DIP2A: variants seen among roughly 807,000 people sequenced by gnomAD.
The protein encoded by DIP2A is disco-interacting protein 2 homolog A.
A neutral mutation model predicts 177.4 loss-of-function variants in DIP2A; 85 were observed. The observed-to-expected ratio is 0.48, with a 90% CI of 0.40 to 0.57. The LOEUF is 0.57. Ranked by LOEUF, DIP2A falls within the 20% of genes least tolerant of loss-of-function variation. The pLI is 0.00. For missense variants in DIP2A, 1,791 were observed against 2,100.2 expected, an observed-to-expected ratio of 0.85 and a Z score of 2.88; for synonymous variants, 886 against 881.8, an observed-to-expected ratio of 1.00 and a Z score of -0.08.
At chr21:46,546,894 G>A in intron 20 of DIP2A, 21 bp from the exon 21 acceptor site, 2 of 1,612,934 alleles carry the variant, frequency 1.2e-6, no homozygotes, top group Non-Finnish European at 1.7e-6. Flanking sequence ...GTGGAGTCTT[G>A]ACGCACACCC....
chr21:46,485,228 A>T (rs937673266), intron 2 of DIP2A, among the ~76,000 whole-genome samples: 13 of 133,786 alleles, frequency 9.7e-5, no homozygotes, highest in African/African-American at 3.8e-4. Flanking sequence ...TCATCATTTC[A>T]ATAGGTTTTG....
At chr21:46,516,638 G>A (rs1311034451) in intron 8 of DIP2A, among the ~76,000 whole-genome samples, 2 of 151,484 alleles carry the variant, frequency 1.3e-5, no homozygotes, top group Admixed American at 6.6e-5. Flanking sequence ...GACTATAGGC[G>A]CCTGCCACCG....
At chr21:46,579,439 C>T in the DIP2A span, among the ~76,000 whole-genome samples, 8 of 151,908 alleles carry the variant, frequency 5.3e-5, no homozygotes, top group Middle Eastern at 3.4e-3. Flanking sequence ...GGGTTTTTCA[C>T]GTCTCTGTTT....
Position 46,511,534 on chromosome 21 carries a change from G to T in DIP2A, c.1022G>T (p.Arg341Leu), listed in dbSNP as rs372554410. Residue 341 changes from arginine to leucine, a missense_variant, in exon 8 of 38, where the codon CGC becomes CTC. Arg to Leu is a moderately radical substitution (Grantham distance 102, BLOSUM62 -2). Transcript: ENST00000417564. ...CCGTCGCTGTTGGCCACCTTGCAGC[G>T]CTGGGGCACAACACAGCCCAAATCC... Reference protein sequence around the residue: ...RPPSLLATLQRWGTTQPKSPC... With the variant: ...RPPSLLATLQLWGTTQPKSPC... 1.2e-6 allele frequency: 2 copies of T among 1,610,958 alleles called. No homozygotes were observed. Among genetic ancestry groups the T allele is most frequent in the South Asian group, 1.1e-5 (1 of 90,594 alleles).
At position 46,567,650 on chromosome 21, in the gene DIP2A, G is replaced by A. The variant is rs778705014; in HGVS notation, c.*28G>A. On this transcript the variant is annotated 3_prime_UTR_variant, in exon 38 of 38. Coordinates refer to ENST00000417564, the MANE Select transcript of DIP2A (RefSeq NM_015151.4). ...GCAGCACACCGGCCCAGGTGCCGGA[G>A]ATGAATGAGCCCCAGCAGTCCAAGG... 9.6e-6 allele frequency: 15 copies of A among 1,557,544 alleles called. No homozygotes were observed. Among genetic ancestry groups the A allele is most frequent in the Non-Finnish European group, 1.2e-5 (14 of 1,149,612 alleles).
intron 35 of DIP2A, 146 bp from the exon 36 acceptor site, chr21:46,565,567 C>G: frequency 1.2e-6 from 1 of 828,638 alleles, no homozygotes; most frequent in Non-Finnish European, 1.9e-6. Context: ...TAACTTAGTT[C>G]ATAAAATAAG....
rs546393980 is a variant in DIP2A, at chr21:46,540,138, G to T, written c.2036+147G>T. 9 of 656,720 alleles carry T rather than the reference G, an allele frequency of 1.4e-5. No homozygotes were observed. The Admixed American group carries it at 1.4e-4, about 10-fold the overall frequency. 40.7% of individuals were successfully genotyped at this position (656,720 alleles called of 1,614,324 possible). On this transcript the variant is annotated intron_variant, in intron 17 of 37. Coordinates refer to ENST00000417564, the MANE Select transcript of DIP2A (RefSeq NM_015151.4). ...GGTGCCTGGCCCCCCACATTTTGCC[G>T]GCTTGGGTTTGTGTGGAGAATTGGG...
intron 6 of DIP2A, among the ~76,000 whole-genome samples, chr21:46,506,735 T>C (rs1389832487): frequency 1.1e-4 from 9 of 80,472 alleles, no homozygotes; most frequent in Non-Finnish European, 2.4e-4. Flanking sequence ...TTTCTTTCTT[T>C]CTTTCTTTCT....
At chr21:46,459,280 A>AGCCCCTCACTCCGGGACCCCCGCGCG (rs1253568456) in intron 1 of DIP2A, 58 bp downstream of exon 1, 5 of 1,286,828 alleles carry the variant, frequency 3.9e-6, no homozygotes, top group East Asian at 7.9e-5. Flanking sequence ...TCCCCCGCGC[A>AGCCCCTCACTCCGGGACCCCCGCGCG]GCCCCTCACT....
rs369780701 is a variant in DIP2A at position 46,558,268 on chromosome 21, G to A, written c.3844G>A (p.Ala1282Thr). 8 of 1,612,456 alleles carry A rather than the reference G, an allele frequency of 5.0e-6. No individual in the cohort carries two copies. The highest frequency in any genetic ancestry group is 4.5e-5 in the East Asian group (2 of 44,884). ...ATGTGTGCGCACGTGCATGGTGGTC[G>A]CCGAGGAGCGGCCCAGGATTGCGCT... Reference protein sequence around the residue: ...LSCVRTCMVVAEERPRIALTQ... With the variant: ...LSCVRTCMVVTEERPRIALTQ... The change falls in exon 32 of 38, where the codon GCC becomes ACC. Residue 1282 changes from alanine to threonine, a missense_variant. By Grantham distance (58) the Ala-to-Thr change is moderately conservative. Coordinates refer to ENST00000417564, the MANE Select transcript of DIP2A (RefSeq NM_015151.4).
At chr21:46,466,342 C>CTTTTTTT (rs71187318) in intron 1 of DIP2A, among the ~76,000 whole-genome samples, 6 of 89,600 alleles carry the variant, frequency 6.7e-5, no homozygotes, top group Non-Finnish European at 1.0e-4. Context: ...TACATTATAA[C>CTTTTTTT]TTTTTTTTTT....
chr21:46,577,437 T>C, the DIP2A span, among the ~76,000 whole-genome samples: 1 of 152,178 alleles, frequency 6.6e-6, no homozygotes, highest in Admixed American at 6.5e-5. Context: ...GATCAGATGG[T>C]TGTAGATGGG....
At chr21:46,515,543 A>G (rs896272384) in intron 8 of DIP2A, among the ~76,000 whole-genome samples, 2 of 149,482 alleles carry the variant, frequency 1.3e-5, no homozygotes, top group Non-Finnish European at 3.0e-5. Flanking sequence ...GTGTGTATTT[A>G]TTTATTTTTT....
chr21:46,551,251 A>C (rs1472237832), intron 23 of DIP2A, among the ~76,000 whole-genome samples: 3 of 152,194 alleles, frequency 2.0e-5, no homozygotes, highest in African/African-American at 7.2e-5. Context: ...GATTTTTAGT[A>C]CATGCCAAAG....
At chr21:46,504,870 A>G (rs933977592) in intron 6 of DIP2A, among the ~76,000 whole-genome samples, 1 of 152,188 alleles carries the variant, frequency 6.6e-6, no homozygotes, top group African/African-American at 2.4e-5. Context: ...ACACCCACCT[A>G]TGACAGAACA....
chr21:46,550,702 A>G lies in DIP2A; in HGVS notation c.2797A>G (p.Thr933Ala). The G allele has an allele frequency of 1.2e-6, 2 of 1,613,968 alleles. No individual in the cohort carries two copies. Among genetic ancestry groups the G allele is most frequent in the Non-Finnish European group, 1.7e-6 (2 of 1,179,894 alleles). Reference protein sequence around the residue: ...HPCNVLMCPHTCVTNLPKPRQ... With the variant: ...HPCNVLMCPHACVTNLPKPRQ... Reference sequence around the variant, plus strand: ...GTGTAATGTGCTGATGTGCCCTCACACCTGTGTTACCAACCTCCCCAAACC... The same window carrying G: ...GTGTAATGTGCTGATGTGCCCTCACGCCTGTGTTACCAACCTCCCCAAACC... Residue 933 changes from threonine (T) to alanine (A), a missense_variant, in exon 23 of 38, where the codon ACC becomes GCC. Transcript: ENST00000417564.
At position 46,537,135 on chromosome 21, in the gene DIP2A, GACGT is replaced by G. The variant is rs1308257586; in HGVS notation, c.1643-86_1643-83del. 1.6e-6 allele frequency: 2 copies of G among 1,252,130 alleles called. No homozygotes were observed. The highest frequency in any genetic ancestry group is 3.0e-5 in the African/African-American group (2 of 67,724). 77.6% of individuals were successfully genotyped at this position (1,252,130 alleles called of 1,614,324 possible). ...CTGTTCCTGAAACTTACATGTTGAT[GACGT>G]ACTCACCTCAGAATTTCTCTAGAAA... is the stretch of plus-strand genomic sequence containing the variant. On this transcript the variant is annotated intron_variant, in intron 13 of 37. Coordinates refer to ENST00000417564, the MANE Select transcript of DIP2A (RefSeq NM_015151.4). This position sits in a 1 kb window ranked among gnomAD's most constrained non-coding sequence, Gnocchi z 4.1.
At chr21:46,565,054 A>C (rs1351987054) in intron 35 of DIP2A, among the ~76,000 whole-genome samples, 6 of 152,232 alleles carry the variant, frequency 3.9e-5, no homozygotes, top group Non-Finnish European at 7.3e-5. Flanking sequence ...AGCCAGTCGA[A>C]CTGACCGTGG....
intron 10 of DIP2A, among the ~76,000 whole-genome samples, chr21:46,533,019 T>G (rs2059416271): frequency 6.6e-6 from 1 of 152,214 alleles, no homozygotes; most frequent in Admixed American, 6.5e-5. Context: ...GCAGTGGTTC[T>G]TAGGAGTAAA....
Sources: gnomAD v4.1 joint callset for allele counts (sites outside exome capture counted in the v4.1 genomes callset) on GRCh38, gnomAD v4.1.1 for gene constraint, Gnocchi (gnomAD v3.1) non-coding constraint, MANE v1.5 for transcripts, NCBI Gene and HGNC (gene_info 2026-07-23, HGNC 2026-07-21) for gene names.